The following KATNIP variants were observed in gnomAD, a reference collection of about 807,000 sequenced individuals.
KATNIP encodes katanin-interacting protein.
KATNIP carries 126 observed loss-of-function variants against 174.0 expected under a neutral mutation model. That is an observed-to-expected ratio of 0.72 (90% CI 0.63 to 0.84). The LOEUF is 0.84. KATNIP is among the 40% of genes least tolerant of loss of function. The pLI is 0.00. For missense variants in KATNIP, 1,958 were observed against 2,109.7 expected (o/e 0.93, Z 1.41); for synonymous variants, 810 against 835.7 (o/e 0.97, Z 0.53).
chr16:27,660,657 G>C (rs1188030717), intron 6 of KATNIP, among the ~76,000 whole-genome samples: 1 of 144,698 alleles, frequency 6.9e-6, no homozygotes, highest in East Asian at 2.0e-4. Flanking sequence ...TTTTTTAAGA[G>C]ATGGGGTCTC....
At chr16:27,567,879 G>A (rs558875879) in intron 1 of KATNIP, among the ~76,000 whole-genome samples, 191 of 152,298 alleles carry the variant, frequency 1.3e-3, no homozygotes, top group Non-Finnish European at 1.9e-3. Context: ...TGGGAGGATC[G>A]TTTGTGCCCA....
chr16:27,772,213 A>G (rs1213138868), intron 22 of KATNIP, among the ~76,000 whole-genome samples: 1 of 152,216 alleles, frequency 6.6e-6, no homozygotes, highest in Non-Finnish European at 1.5e-5. Flanking sequence ...TCGAGGCTGC[A>G]GTGAGCTCTG....
intron 3 of KATNIP, among the ~76,000 whole-genome samples, chr16:27,624,610 G>A (rs1332464161): frequency 6.6e-6 from 1 of 152,002 alleles, no homozygotes; most frequent in Non-Finnish European, 1.5e-5. Context: ...GAGCCTAGGA[G>A]TTTGAGACCA....
chr16:27,554,314 T>G (rs1002311146), intron 1 of KATNIP, among the ~76,000 whole-genome samples: 2 of 151,916 alleles, frequency 1.3e-5, no homozygotes, highest in African/African-American at 2.4e-5. Flanking sequence ...AATACAAAAA[T>G]TAGCTGGGCA....
chr16:27,734,453 C>T (rs1344286305), intron 14 of KATNIP, among the ~76,000 whole-genome samples: 1 of 149,086 alleles, frequency 6.7e-6, no homozygotes, highest in Non-Finnish European at 1.5e-5. Flanking sequence ...AATCCCAGCA[C>T]TTTGGGAGGG....
chr16:27,693,816 G>A (rs568902577), intron 8 of KATNIP, among the ~76,000 whole-genome samples: 112 of 152,330 alleles, frequency 7.4e-4, no homozygotes, highest in African/African-American at 2.6e-3. Context: ...AGTGGGTTCT[G>A]TTGGCCCTTA....
rs377697361 is a variant in KATNIP, at chr16:27,703,652, G to C, written c.1287-244G>C. ...GACTCTCAAGTTCTAAGCTTAGGGA[G>C]GTCAGCTGGCCACCTTGCCCCAAGC... On this transcript the variant is annotated intron_variant, in intron 11 of 27. Transcript: ENST00000261588. Among the ~76,000 whole-genome samples the C allele has an allele frequency of 6.6e-5, 10 of 152,208 alleles. No homozygotes were observed. The East Asian group carries it at 1.7e-3, about 26-fold the overall frequency.
chr16:27,681,243 G>A lies in KATNIP; in HGVS notation c.809-156G>A, dbSNP rs114372589. On this transcript the variant is annotated intron_variant, in intron 7 of 27. Transcript: ENST00000261588. ...TGACTCTCAGCAAACTTGTTTCGTC[G>A]CCTGCATTATTCACATCTCTAATCC... 730 of 915,510 alleles carry A rather than the reference G, an allele frequency of 8.0e-4. 4 individuals are homozygous for A. In the African/African-American group the frequency reaches 9.6e-3, roughly 12 times the overall value. The allele number at this position is 915,510 out of a possible 1,614,324, so 56.7% of individuals were successfully genotyped here. A position where few individuals can be genotyped will look rare whatever the true frequency, so the allele number is the denominator to read the frequency against.
chr16:27,613,790 C>T (rs1484739713), intron 2 of KATNIP, among the ~76,000 whole-genome samples: 8 of 152,204 alleles, frequency 5.3e-5, no homozygotes, highest in African/African-American at 1.2e-4. Context: ...CCAGCTCTCC[C>T]GAGGGCTGAG....
At chr16:27,706,818 A>T (rs746013263) in intron 12 of KATNIP, among the ~76,000 whole-genome samples, 8 of 152,164 alleles carry the variant, frequency 5.3e-5, no homozygotes, top group Non-Finnish European at 1.2e-4. Flanking sequence ...CCCCAGACTG[A>T]CCACTCACCT....
intron 23 of KATNIP, among the ~76,000 whole-genome samples, chr16:27,774,438 C>T (rs971514040): frequency 6.6e-6 from 1 of 152,114 alleles, no homozygotes; most frequent in Non-Finnish European, 1.5e-5. Context: ...CCCACGCCCT[C>T]ACAGGTCATA....
At chr16:27,583,816 G>T (rs758550090) in intron 2 of KATNIP, among the ~76,000 whole-genome samples, 7 of 152,172 alleles carry the variant, frequency 4.6e-5, no homozygotes, top group Non-Finnish European at 1.0e-4. Flanking sequence ...TTCAGGGGTG[G>T]ACATCAGGCA....
At chr16:27,763,617 C>CTCA (rs1463628085) in intron 19 of KATNIP, among the ~76,000 whole-genome samples, 7 of 50,774 alleles carry the variant, frequency 1.4e-4, no homozygotes, top group African/African-American at 5.8e-4. Flanking sequence ...CCTGTCTCAA[C>CTCA]ACAAAAAAAA....
chr16:27,644,091 G>A (rs1452141121), intron 5 of KATNIP: 2 of 149,034 alleles, frequency 1.3e-5, no homozygotes, highest in East Asian at 2.0e-4. Flanking sequence ...GTGCGATCTC[G>A]GCTCACTGCA....
chr16:27,555,979 T>G (rs974768866), intron 1 of KATNIP, among the ~76,000 whole-genome samples: 1 of 151,774 alleles, frequency 6.6e-6, no homozygotes, highest in African/African-American at 2.4e-5. Flanking sequence ...AATACAAAAA[T>G]TAGCCAGGTG....
In KATNIP at chr16:27,761,448, T is replaced by C; in HGVS notation, c.3667T>C (p.Leu1223=). The C allele has an allele frequency of 1.2e-6, 2 of 1,613,716 alleles. No individual in the cohort carries two copies. Among genetic ancestry groups the C allele is most frequent in the Non-Finnish European group, 1.7e-6 (2 of 1,179,842 alleles). Residue 1223 remains leucine, a synonymous_variant, in exon 19 of 28, where the codon TTG becomes CTG. Transcript: ENST00000261588. ...QLNFTASWGD[L]HYLGLTGLEV... ...GAATTTCACTGCCTCCTGGGGAGAC[T>C]TGCACTACCTGGGGCTCACTGGCCT...
At chr16:27,756,898 A>G (rs1437712308) in intron 18 of KATNIP, among the ~76,000 whole-genome samples, 1 of 152,088 alleles carries the variant, frequency 6.6e-6, no homozygotes, top group Non-Finnish European at 1.5e-5. Context: ...ACATTCTCCC[A>G]TTCAACACCA....
intron 16 of KATNIP, among the ~76,000 whole-genome samples, chr16:27,751,008 A>G (rs1170681598): frequency 6.6e-6 from 1 of 151,992 alleles, no homozygotes; most frequent in Non-Finnish European, 1.5e-5. Context: ...GATTACAGGC[A>G]TGAGCCCCTG....
intron 12 of KATNIP, among the ~76,000 whole-genome samples, chr16:27,705,859 G>T (rs370105901): frequency 2.0e-5 from 3 of 151,892 alleles, no homozygotes; most frequent in Admixed American, 6.6e-5. Flanking sequence ...AAAAAATTTT[G>T]TAGAGATGAA....
Sources: allele counts gnomAD v4.1 joint callset (sites outside exome capture counted in the v4.1 genomes callset), GRCh38; gene constraint gnomAD v4.1.1; transcripts MANE v1.5; gene names NCBI Gene and HGNC (gene_info 2026-07-23, HGNC 2026-07-21).